Variants in DSCAM observed in about 807,000 individuals in gnomAD.
DSCAM encodes DS cell adhesion molecule, also known as cell adhesion molecule DSCAM.
Under a neutral mutation model 217.7 loss-of-function variants are expected in DSCAM, and 47 were observed. That is an observed-to-expected ratio of 0.22 (90% confidence interval 0.17 to 0.28). The LOEUF (loss-of-function observed/expected upper bound fraction) is 0.28, where lower values mean the gene tolerates loss of function less well. Ranked by LOEUF, DSCAM falls within the 10% of genes least tolerant of loss-of-function variation. The probability of loss-of-function intolerance (pLI) is 1.00; values close to 1 mark genes in which losing one functional copy is unlikely to be tolerated. For synonymous variants in DSCAM, 1,056 were observed against 1,015.3 expected (o/e 1.04, Z -0.76); for missense variants, 2,080 against 2,618.3 (o/e 0.79, Z 4.49).
At chr21:40,109,418 GA>G (rs1277894420) in intron 20 of DSCAM, among the ~76,000 whole-genome samples, 1 of 152,236 alleles carries the variant, frequency 6.6e-6, no homozygotes, top group Non-Finnish European at 1.5e-5. Flanking sequence ...GATCATTAGA[GA>G]AATGCAAATC....
At chr21:40,454,009 C>A (rs2075743444) in intron 3 of DSCAM, among the ~76,000 whole-genome samples, 1 of 152,152 alleles carries the variant, frequency 6.6e-6, no homozygotes, top group South Asian at 2.1e-4. Flanking sequence ...CGAGTACACC[C>A]CAAATACCTG....
At chr21:40,222,508 A>G (rs1487112550) in intron 11 of DSCAM, among the ~76,000 whole-genome samples, 3 of 152,334 alleles carry the variant, frequency 2.0e-5, no homozygotes, top group Admixed American at 2.0e-4. Context: ...TGAAAATGCT[A>G]TTAAGCTTCC....
intron 3 of DSCAM, among the ~76,000 whole-genome samples, chr21:40,637,631 A>AT (rs1568955347): frequency 0.04 from 1,676 of 42,002 alleles, 71 homozygotes; most frequent in Admixed American, 0.064. Flanking sequence ...ATACATATAT[A>AT]AATATATATA....
At chr21:40,577,152 A>G (rs967769775) in intron 3 of DSCAM, among the ~76,000 whole-genome samples, 2 of 151,586 alleles carry the variant, frequency 1.3e-5, no homozygotes, top group Non-Finnish European at 2.9e-5. Context: ...ATAAATGAAT[A>G]TTCATTTATT....
chr21:40,339,358 G>T lies in DSCAM; in HGVS notation c.1268C>A (p.Pro423Gln). The change falls in exon 7 of 33, where the codon CCG (proline) becomes CAG (glutamine). Residue 423 changes from proline (P) to glutamine (Q), a missense_variant. By Grantham distance (76) the Pro-to-Gln change is moderately conservative. This residue lies in a region of DSCAM where 568 missense variants were observed against 678.1 expected (regional missense o/e 0.84). Coordinates refer to ENST00000400454, the MANE Select transcript of DSCAM (RefSeq NM_001389.5). ...CTTCACGTTGCACATAAGGGAAACC[G>T]GCTCTGCTGGACTCACCACCTTTTC... is the stretch of plus-strand genomic sequence containing the variant. ...FSEKVVSPAE[P>Q]VSLMCNVKGT... The T allele has an allele frequency of 1.2e-6, 2 of 1,613,690 alleles. No individual in the cohort carries two copies. Among genetic ancestry groups the T allele is most frequent in the Non-Finnish European group, 1.7e-6 (2 of 1,179,952 alleles).
At chr21:40,185,300 T>C (rs1340233193) in intron 14 of DSCAM, among the ~76,000 whole-genome samples, 1 of 152,166 alleles carries the variant, frequency 6.6e-6, no homozygotes, top group East Asian at 1.9e-4. Flanking sequence ...GTGGCCTTTG[T>C]GGTCTCCTTG....
intron 3 of DSCAM, among the ~76,000 whole-genome samples, chr21:40,570,625 G>A (rs552611171): frequency 3.9e-5 from 6 of 152,312 alleles, no homozygotes; most frequent in South Asian, 4.1e-4. Flanking sequence ...TGCGATGAAG[G>A]CTCTAGAGGA....
At chr21:40,152,326 C>T (rs77503334) in intron 16 of DSCAM, among the ~76,000 whole-genome samples, 9,434 of 152,260 alleles carry the variant, frequency 0.062, 326 homozygotes, top group East Asian at 0.13. Flanking sequence ...TCCCCTTGAA[C>T]GCAGTGCAAA....
chr21:40,603,131 C>T (rs1339892783), intron 3 of DSCAM, among the ~76,000 whole-genome samples: 1 of 151,990 alleles, frequency 6.6e-6, no homozygotes, highest in Non-Finnish European at 1.5e-5. Context: ...AGATTTGCAG[C>T]TGTCTTTATG....
intron 3 of DSCAM, among the ~76,000 whole-genome samples, chr21:40,423,606 G>A (rs1670121377): frequency 6.6e-6 from 1 of 152,166 alleles, no homozygotes; most frequent in Non-Finnish European, 1.5e-5. Context: ...TTTCTTTCCT[G>A]TTCTAAAGCT....
intron 2 of DSCAM, among the ~76,000 whole-genome samples, chr21:40,705,976 G>T (rs953116405): frequency 1.3e-5 from 2 of 151,900 alleles, no homozygotes; most frequent in Admixed American, 1.3e-4. Flanking sequence ...GTCAGGAGAT[G>T]GAGACCATCC....
intron 11 of DSCAM, among the ~76,000 whole-genome samples, chr21:40,242,229 G>A (rs1186356407): frequency 6.6e-6 from 1 of 151,954 alleles, no homozygotes; most frequent in Non-Finnish European, 1.5e-5. Context: ...ATGGATGAAC[G>A]GTCAAAATAA....
chr21:40,229,476 C>T (rs2091361728), intron 11 of DSCAM, among the ~76,000 whole-genome samples: 1 of 152,204 alleles, frequency 6.6e-6, no homozygotes. Flanking sequence ...ATATCCTCAA[C>T]TCCCTAAAAA....
chr21:40,242,923 T>C (rs543790154), intron 11 of DSCAM, among the ~76,000 whole-genome samples: 142 of 152,330 alleles, frequency 9.3e-4, no homozygotes, highest in African/African-American at 3.3e-3. Context: ...GTACAGCTCT[T>C]CCAGCCACGA....
rs182261867 is a variant in DSCAM, at chr21:40,733,872, G to A, written c.44-25101C>T. Among the ~76,000 whole-genome samples, 488 of 152,202 alleles carry A rather than the reference G, an allele frequency of 3.2e-3. 5 individuals carry two copies. Among genetic ancestry groups the A allele is most frequent in the African/African-American group, 0.011 (464 of 41,528 alleles). ...ATTAGCAAGGCCATTGCTGCCACCC[G>A]TCAGCACCACATTGTCAAGCTCAGA... On this transcript the variant is annotated intron_variant, in intron 1 of 32. Transcript: ENST00000400454.
At chr21:40,687,822 C>T (rs2090497559) in intron 3 of DSCAM, among the ~76,000 whole-genome samples, 1 of 152,156 alleles carries the variant, frequency 6.6e-6, no homozygotes, top group Non-Finnish European at 1.5e-5. Context: ...GCAGGAATCT[C>T]CCCAAGCATC....
At chr21:40,185,251 T>G (rs562073317) in intron 14 of DSCAM, among the ~76,000 whole-genome samples, 40 of 152,216 alleles carry the variant, frequency 2.6e-4, no homozygotes, top group Non-Finnish European at 5.1e-4. Flanking sequence ...AGTAACTGGG[T>G]GGCTCAGGGA....
intron 3 of DSCAM, among the ~76,000 whole-genome samples, chr21:40,399,325 G>T (rs2075212548): frequency 1.3e-5 from 2 of 150,666 alleles, no homozygotes; most frequent in Non-Finnish European, 3.0e-5. Flanking sequence ...GGAGTCCAAA[G>T]ATTCCATCTA....
intron 16 of DSCAM, among the ~76,000 whole-genome samples, chr21:40,146,811 G>A (rs2090363011): frequency 6.6e-6 from 1 of 152,256 alleles, no homozygotes; most frequent in East Asian, 1.9e-4. Flanking sequence ...CAGATGTGCT[G>A]GCTTTTGCAT....
Sources: allele counts gnomAD v4.1 joint callset (sites outside exome capture counted in the v4.1 genomes callset), GRCh38; gene constraint gnomAD v4.1.1; regional missense constraint gnomAD v4.1.1; transcripts MANE v1.5; gene names NCBI Gene and HGNC (gene_info 2026-07-23, HGNC 2026-07-21).